The following ZNF254 variants were observed in gnomAD, a reference collection of about 807,000 sequenced individuals.
ZNF254 encodes zinc finger protein 254, also known as CTD-2017D11.1.
Under a neutral mutation model 12.4 loss-of-function variants are expected in ZNF254, and 10 were observed. The ratio of observed to expected loss-of-function variants is 0.80; its 90% CI spans 0.50 to 1.36. ZNF254 has a LOEUF of 1.36. Among genes scored for constraint, ZNF254 ranks in the 40% most tolerant of loss-of-function variants. The pLI, the probability that ZNF254 is intolerant of heterozygous loss-of-function variation, is 0.00. For synonymous variants in ZNF254, 305 were observed against 253.4 expected, an observed-to-expected ratio of 1.20 and a Z score of -1.93; for missense variants, 996 against 763.9, an observed-to-expected ratio of 1.30 and a Z score of -3.58.
intron 1 of ZNF254, among the ~76,000 whole-genome samples, chr19:24,103,158 A>G (rs566846536): frequency 6.6e-6 from 1 of 152,356 alleles, no homozygotes; most frequent in Non-Finnish European, 1.5e-5. Flanking sequence ...AAAGAGCCAG[A>G]AAATAATATG....
chr19:24,038,726 T>C (rs1350457648), intron 1 of ZNF254, among the ~76,000 whole-genome samples: 1 of 152,176 alleles, frequency 6.6e-6, no homozygotes, highest in Non-Finnish European at 1.5e-5. Context: ...CCTCAAAGTC[T>C]GCAGGCAGAA....
chr19:24,087,144 C>T (rs1972070229), upstream of ZNF254: 4 of 808,744 alleles, frequency 4.9e-6, no homozygotes, highest in Admixed American at 2.4e-5. Context: ...TCCAATCAGG[C>T]ACACAGCTGG....
At chr19:24,045,765 C>T (rs1970362136) in intron 1 of ZNF254, among the ~76,000 whole-genome samples, 2 of 151,906 alleles carry the variant, frequency 1.3e-5, no homozygotes, top group Admixed American at 6.6e-5. Flanking sequence ...TAAAGGACTC[C>T]TGAATTAGTC....
In ZNF254 at chr19:24,129,629, G is replaced by A. The variant is rs1243005995; in HGVS notation, c.*1649G>A. 6.6e-6 allele frequency: 1 copy of A among 151,562 alleles called. No homozygotes were observed. The highest frequency in any genetic ancestry group is 1.9e-4 in the East Asian group (1 of 5,176). 9.4% of individuals were successfully genotyped at this position (151,562 alleles called of 1,614,324 possible). On this transcript the variant is annotated 3_prime_UTR_variant, in exon 4 of 4. Transcript: ENST00000357002. Reference sequence around the variant, plus strand: ...GCCATATATGGTATATTTTGATGCAGGCATACTCTATATAATAATCACATT... The same window carrying A: ...GCCATATATGGTATATTTTGATGCAAGCATACTCTATATAATAATCACATT...
At chr19:24,034,083 G>GA (rs1214333021) in intron 1 of ZNF254, among the ~76,000 whole-genome samples, 1 of 152,060 alleles carries the variant, frequency 6.6e-6, no homozygotes, top group Non-Finnish European at 1.5e-5. Flanking sequence ...TCAGCCCTCC[G>GA]AAAAGCTGGG....
chr19:24,088,780 C>G (rs886661941), intron 1 of ZNF254, among the ~76,000 whole-genome samples: 35 of 151,750 alleles, frequency 2.3e-4, no homozygotes, highest in African/African-American at 8.5e-4. Context: ...TCTCAGTCGC[C>G]CAAGTAGCTG....
chr19:24,102,411 A>G (rs1408179150), intron 1 of ZNF254, among the ~76,000 whole-genome samples: 2 of 150,998 alleles, frequency 1.3e-5, no homozygotes, highest in Non-Finnish European at 3.0e-5. Flanking sequence ...TCTTTTAGGT[A>G]AGCTTAAAAA....
chr19:24,087,332 G>A lies in ZNF254; in HGVS notation c.25G>A (p.Glu9Lys), dbSNP rs1217161471. 1.2e-6 allele frequency: 2 copies of A among 1,613,580 alleles called. No homozygotes were observed. Among genetic ancestry groups the A allele is most frequent in the Non-Finnish European group, 1.7e-6 (2 of 1,179,760 alleles). ...GATGCCAGGACCCCCTAGAAGCCTAGAAATGGTGAGAATGCCAGTCCGACA... is the reference window on the plus strand; with the variant it reads ...GATGCCAGGACCCCCTAGAAGCCTAAAAATGGTGAGAATGCCAGTCCGACA... The part of the protein sequence containing the change: MPGPPRSL[E>K]MGLLTFRDVA... Residue 9 changes from glutamate to lysine, a missense_variant, in exon 1 of 4, where the codon GAA becomes AAA. Transcript: ENST00000357002.
intron 1 of ZNF254, among the ~76,000 whole-genome samples, chr19:24,099,329 T>C (rs1200444184): frequency 6.6e-6 from 1 of 151,932 alleles, no homozygotes; most frequent in African/African-American, 2.4e-5. Context: ...GATGTGACAC[T>C]AAAGTGCTGC....
intron 3 of ZNF254, chr19:24,107,219 T>A: frequency 1.5e-6 from 1 of 654,886 alleles, no homozygotes; most frequent in Admixed American, 2.5e-5. Flanking sequence ...ATTTTAGGAT[T>A]GGATTTTTCA....
At chr19:24,054,116 G>A (rs1970751643) in intron 2 of ZNF254, among the ~76,000 whole-genome samples, 1 of 152,150 alleles carries the variant, frequency 6.6e-6, no homozygotes, top group Non-Finnish European at 1.5e-5. Context: ...TTGCCCCCAG[G>A]GAGCATTGTG....
intron 2 of ZNF254, among the ~76,000 whole-genome samples, chr19:24,072,368 C>T (rs1049923002): frequency 3.9e-5 from 6 of 151,988 alleles, no homozygotes; most frequent in Admixed American, 6.6e-5. Flanking sequence ...GATGGGGTTT[C>T]GCCATGTTGG....
intron 1 of ZNF254, chr19:24,104,765 A>C (rs1029378020): frequency 6.6e-6 from 1 of 152,172 alleles, no homozygotes; most frequent in Non-Finnish European, 1.5e-5. Flanking sequence ...TCTGTGGGGA[A>C]AACCTGGGGT....
chr19:24,127,552 T>C lies in ZNF254; in HGVS notation c.1552T>C (p.Tyr518His), dbSNP rs189434950. ...GATAATTCATACTGGAGAGAAACCC[T>C]ACAAATGTGAAGAATGTGGCAAAGC... is the stretch of plus-strand genomic sequence containing the variant. ...HKIIHTGEKP[Y>H]KCEECGKAFN... The change falls in exon 4 of 4, where the codon TAC (tyrosine) becomes CAC (histidine). Residue 518 changes from tyrosine to histidine, a missense_variant. By Grantham distance (83) the Tyr-to-His change is moderately conservative. Transcript: ENST00000357002. The C allele has an allele frequency of 9.9e-6, 16 of 1,613,608 alleles. No individual in the cohort carries two copies. In the East Asian group the frequency reaches 3.6e-4, roughly 36 times the overall value.
intron 2 of ZNF254, among the ~76,000 whole-genome samples, chr19:24,068,635 C>G (rs1011562806): frequency 1.3e-5 from 2 of 152,098 alleles, no homozygotes; most frequent in South Asian, 4.1e-4. Context: ...AGATTTTAAT[C>G]CATCCCCAGC....
At chr19:24,098,667 T>A (rs1472929550) in intron 1 of ZNF254, 3 of 152,166 alleles carry the variant, frequency 2.0e-5, no homozygotes, top group African/African-American at 4.8e-5. Flanking sequence ...AATCTCAGGT[T>A]TTTTAAAGAG....
intron 3 of ZNF254, among the ~76,000 whole-genome samples, chr19:24,124,760 T>C (rs1974713874): frequency 6.6e-6 from 1 of 151,798 alleles, no homozygotes; most frequent in Non-Finnish European, 1.5e-5. Context: ...GGCACATCAC[T>C]TTTTTTCTTT....
intron 3 of ZNF254, among the ~76,000 whole-genome samples, chr19:24,107,959 AT>A (rs1973443771): frequency 6.6e-6 from 1 of 152,142 alleles, no homozygotes; most frequent in South Asian, 2.1e-4. Flanking sequence ...TTCTCATTTA[AT>A]TTTTGGACAG....
At chr19:24,100,480 A>C (rs371883220) in intron 1 of ZNF254, among the ~76,000 whole-genome samples, 7 of 152,210 alleles carry the variant, frequency 4.6e-5, no homozygotes, top group Middle Eastern at 3.4e-3. Flanking sequence ...TAAAAGCACA[A>C]TTACATCTTT....
Sources: gnomAD v4.1 joint callset for allele counts (sites outside exome capture counted in the v4.1 genomes callset) on GRCh38, gnomAD v4.1.1 for gene constraint, MANE v1.5 for transcripts, NCBI Gene and HGNC (gene_info 2026-07-23, HGNC 2026-07-21) for gene names.